The following PPA1 variants were observed in gnomAD, a reference collection of about 807,000 sequenced individuals.
PPA1 encodes the protein inorganic pyrophosphatase.
Under a neutral mutation model 41.8 loss-of-function variants are expected in PPA1, and 23 were observed. That is an observed-to-expected ratio of 0.55 (90% CI 0.40 to 0.78). The LOEUF is 0.78. PPA1 is among the 30% of genes least tolerant of loss of function. The pLI is 0.00. For synonymous variants in PPA1, 101 were observed against 116.8 expected (o/e 0.86, Z 0.87); for missense variants, 320 against 361.6 (o/e 0.89, Z 0.93).
chr10:70,214,499 C>T lies in PPA1; in HGVS notation c.384+1G>A. On this transcript the variant is annotated splice_donor_variant, in intron 5 of 10. Coordinates refer to ENST00000373232, the MANE Select transcript of PPA1 (RefSeq NM_021129.4). LOFTEE classifies it high-confidence loss of function. The stretch of plus-strand genomic sequence containing the variant: ...AAGAAAAAAATGTCACATTTCATTA[C>T]CTTGCTTCCAATTTCACACACATCA... The T allele has an allele frequency of 6.2e-7, 1 of 1,609,922 alleles. No homozygotes were observed. Among genetic ancestry groups the T allele is most frequent in the Non-Finnish European group, 8.5e-7 (1 of 1,177,600 alleles).
Position 70,209,571 on chromosome 10 carries a change from T to C in PPA1, c.626A>G (p.Glu209Gly). ...KPENEFAFNA[E>G]FKDKDFAIDI... ...ATGACATATTACCTTATCTTTAAAT[T>C]CTGCATTAAACGCAAACTCATTTTC... The change falls in exon 7 of 11, where the codon GAA becomes GGA. Residue 209 changes from glutamate (E) to glycine (G), a missense_variant. By Grantham distance (98) the Glu-to-Gly change is moderately conservative. Coordinates refer to ENST00000373232, the MANE Select transcript of PPA1 (RefSeq NM_021129.4). 2 of 1,602,064 alleles carry C rather than the reference T, an allele frequency of 1.2e-6. No individual in the cohort carries two copies. Among genetic ancestry groups the C allele is most frequent in the Non-Finnish European group, 1.7e-6 (2 of 1,177,346 alleles).
rs552243166 is a variant in PPA1 at position 70,222,331 on chromosome 10, G to A, written c.124-3514C>T. On this transcript the variant is annotated intron_variant, in intron 2 of 10. Transcript: ENST00000373232. ...AGCCTGGGCCACAGAGCAAGACTCC[G>A]TCTCAAAAAAAAAAAAAAAAAAAAA... 1.8e-4 allele frequency among the ~76,000 whole-genome samples: 12 copies of A among 65,090 alleles called. No individual in the cohort carries two copies. The East Asian group carries it at 2.3e-3, about 13-fold the overall frequency. The allele number at this position is 65,090 out of a possible 152,430, so 42.7% of individuals were successfully genotyped here.
intron 2 of PPA1, among the ~76,000 whole-genome samples, chr10:70,227,511 C>A (rs367587015): frequency 2.0e-5 from 3 of 151,876 alleles, no homozygotes; most frequent in African/African-American, 7.3e-5. Flanking sequence ...ATTAGCTGGG[C>A]GTGGTGGTGT....
chr10:70,218,075 C>T, intron 3 of PPA1, 144 bp from the exon 4 acceptor site: 1 of 740,540 alleles, frequency 1.4e-6, no homozygotes. Flanking sequence ...TATAATTGAA[C>T]TAAGGTGTTT....
Position 70,214,568 on chromosome 10 carries a change from G to T in PPA1, c.316C>A (p.His106Asn). 1 of 1,613,240 alleles carries T rather than the reference G, an allele frequency of 6.2e-7. No individual in the cohort carries two copies. Among genetic ancestry groups the T allele is most frequent in the Non-Finnish European group, 8.5e-7 (1 of 1,179,398 alleles). The change falls in exon 5 of 11, where the codon CAC becomes AAC. Residue 106 changes from histidine to asparagine, a missense_variant. By Grantham distance (68) the His-to-Asn change is moderately conservative (BLOSUM62 1). Transcript: ENST00000373232. ...AIPQTWEDPGHNDKHTGCCGD... is the reference protein window; with the variant it reads ...AIPQTWEDPGNNDKHTGCCGD... ...CAACAGCCAGTATGTTTATCATTGT[G>T]CCCTGGGTCTTCCCAAGTCTAAAAA...
rs10686040 is a variant in PPA1 at position 70,223,217 on chromosome 10, A to AAGAGAGAG, written c.124-4408_124-4401dup. On this transcript the variant is annotated intron_variant, in intron 2 of 10. Coordinates refer to ENST00000373232, the MANE Select transcript of PPA1 (RefSeq NM_021129.4). ...CTGTCTCTTAAAAAACATTTTTTTA[A>AAGAGAGAG]AGAGAGAGAGAGAGAGAGACGGGGT... Among the ~76,000 whole-genome samples the AAGAGAGAG allele has an allele frequency of 7.6e-3, 1,136 of 148,810 alleles. 12 individuals carry two copies. The highest frequency in any genetic ancestry group is 0.023 in the African/African-American group (915 of 40,382).
At chr10:70,212,859 T>A (rs900544720) in intron 6 of PPA1, among the ~76,000 whole-genome samples, 1 of 148,564 alleles carries the variant, frequency 6.7e-6, no homozygotes, top group African/African-American at 2.5e-5. Context: ...TGCTGATACA[T>A]ACTACAATAC....
At chr10:70,213,155 T>C (rs1840041117) in intron 6 of PPA1, among the ~76,000 whole-genome samples, 1 of 152,178 alleles carries the variant, frequency 6.6e-6, no homozygotes, top group Admixed American at 6.6e-5. Context: ...TGGTGACTCT[T>C]TGATATGTGA....
chr10:70,224,737 T>C (rs930002469), intron 2 of PPA1, among the ~76,000 whole-genome samples: 6 of 152,210 alleles, frequency 3.9e-5, no homozygotes, highest in Non-Finnish European at 7.3e-5. Context: ...ATTTATTTTA[T>C]TTTATTTTTT....
At chr10:70,227,819 C>T (rs1319739999) in intron 2 of PPA1, among the ~76,000 whole-genome samples, 1 of 152,020 alleles carries the variant, frequency 6.6e-6, no homozygotes, top group Non-Finnish European at 1.5e-5. Context: ...ATTATAATCC[C>T]TCGGATGACT....
rs1000576194 is a variant in PPA1, at chr10:70,209,443, A to G, written c.639+115T>C. ...TTAAAGTGAATAAATAAACACCAAG[A>G]CTGTGTTATGTTTCCAGACTTCTGT... On this transcript the variant is annotated intron_variant, in intron 7 of 10. Transcript: ENST00000373232. 5.2e-6 allele frequency: 7 copies of G among 1,356,740 alleles called. No individual in the cohort carries two copies. In the Admixed American group the frequency reaches 1.2e-4, roughly 23 times the overall value. The allele number at this position is 1,356,740 out of a possible 1,614,324, so 84.0% of individuals were successfully genotyped here. A position where few individuals can be genotyped will look rare whatever the true frequency, so the allele number is the denominator to read the frequency against.
At chr10:70,214,337 A>G (rs1840054228) in intron 5 of PPA1, among the ~76,000 whole-genome samples, 163 bp downstream of exon 5, 1 of 152,232 alleles carries the variant, frequency 6.6e-6, no homozygotes, top group South Asian at 2.1e-4. Flanking sequence ...TGTAAAAATT[A>G]TAATATACAA....
rs764339518 is a variant in PPA1, at chr10:70,214,620, A to G, written c.298-34T>C. On this transcript the variant is annotated intron_variant, in intron 4 of 10. Coordinates refer to ENST00000373232, the MANE Select transcript of PPA1 (RefSeq NM_021129.4). Reference sequence around the variant, plus strand: ...ATAAGACAGTGTATATCATTCCTATACATACTGACAAAATGGATCATGTTG... The same window carrying G: ...ATAAGACAGTGTATATCATTCCTATGCATACTGACAAAATGGATCATGTTG... 4 of 1,503,990 alleles carry G rather than the reference A, an allele frequency of 2.7e-6. No homozygotes were observed. The African/African-American group carries it at 5.5e-5, about 21-fold the overall frequency. 93.2% of individuals were successfully genotyped at this position (1,503,990 alleles called of 1,614,324 possible). A position where few individuals can be genotyped will look rare whatever the true frequency, so the allele number is the denominator to read the frequency against.
intron 3 of PPA1, 94 bp downstream of exon 3, chr10:70,218,670 C>T: frequency 1.0e-6 from 1 of 993,894 alleles, no homozygotes; most frequent in African/African-American, 1.6e-5. Context: ...AGAGAAAAAC[C>T]TTGACGTTCA....
intron 2 of PPA1, among the ~76,000 whole-genome samples, chr10:70,220,757 T>TATAATATATATATAATATAC (rs1177779887): frequency 1.1e-4 from 2 of 18,560 alleles, no homozygotes; most frequent in African/African-American, 4.9e-4. Flanking sequence ...ATATAATATA[T>TATAATATATATATAATATAC]ATAATTTATA....
At chr10:70,218,521 G>A (rs1840102754) in intron 3 of PPA1, 1 of 478,308 alleles carries the variant, frequency 2.1e-6, no homozygotes. Flanking sequence ...AGTAATTCTA[G>A]GCTTTGGGAA....
At position 70,213,582 on chromosome 10, in the gene PPA1, G is replaced by A; in HGVS notation, c.392C>T (p.Ala131Val). ...DVCEIGSKVC[A>V]RGEIIGVKVL... Reference sequence around the variant, plus strand: ...TTTCACGCCAATTATTTCACCTCTTGCACATACCTGAGAGTCAATAGCCAA... The same window carrying A: ...TTTCACGCCAATTATTTCACCTCTTACACATACCTGAGAGTCAATAGCCAA... The change falls in exon 6 of 11, where the codon GCA (alanine) becomes GTA (valine). Residue 131 changes from alanine to valine, a missense_variant. Ala to Val is a moderately conservative substitution (Grantham distance 64, BLOSUM62 0). Transcript: ENST00000373232. 6.2e-7 allele frequency: 1 copy of A among 1,613,646 alleles called. No individual in the cohort carries two copies. The highest frequency in any genetic ancestry group is 8.5e-7 in the Non-Finnish European group (1 of 1,179,774).
At chr10:70,225,069 T>C (rs140751962) in intron 2 of PPA1, among the ~76,000 whole-genome samples, 272 of 152,280 alleles carry the variant, frequency 1.8e-3, no homozygotes, top group Non-Finnish European at 2.5e-3. Flanking sequence ...GTAAATTCGA[T>C]GAACTATACT....
At chr10:70,216,503 T>A (rs933265212) in intron 4 of PPA1, among the ~76,000 whole-genome samples, 96 of 150,912 alleles carry the variant, frequency 6.4e-4, no homozygotes, top group African/African-American at 2.0e-3. Context: ...AAAAAAAAAA[T>A]TTCAATTAAA....
Sources: gnomAD v4.1 joint callset for allele counts (sites outside exome capture counted in the v4.1 genomes callset) on GRCh38, gnomAD v4.1.1 for gene constraint, MANE v1.5 for transcripts, NCBI Gene and HGNC (gene_info 2026-07-23, HGNC 2026-07-21) for gene names.